ALG12: variants seen among roughly 807,000 people sequenced by gnomAD.
The protein encoded by ALG12 is ALG12 alpha-1,6-mannosyltransferase.
ALG12 carries 36 observed loss-of-function variants against 46.0 expected under a neutral mutation model. The observed-to-expected ratio is 0.78, with a 90% CI of 0.60 to 1.03. The LOEUF (loss-of-function observed/expected upper bound fraction) is 1.03, where lower values mean the gene tolerates loss of function less well. Among genes scored for constraint, ALG12 ranks in the 50% least tolerant of loss-of-function variants. ALG12 has a pLI of 0.00. For synonymous variants in ALG12, 326 were observed against 291.6 expected, an observed-to-expected ratio of 1.12 and a Z score of -1.20; for missense variants, 599 against 633.5, an observed-to-expected ratio of 0.95 and a Z score of 0.58.
At chr22:49,913,260 G>A (rs146667979) in intron 3 of ALG12, 125 bp downstream of exon 3, 41 of 1,467,546 alleles carry the variant, frequency 2.8e-5, no homozygotes, top group African/African-American at 1.4e-4. Flanking sequence ...GCCATGCCAC[G>A]GTGATCGAGG....
At chr22:49,886,917 G>A in the ALG12 span, 2 of 1,614,144 alleles carry the variant, frequency 1.2e-6, no homozygotes, top group Non-Finnish European at 1.7e-6. The surrounding 1 kb of genome is among the most constrained non-coding windows in gnomAD (Gnocchi z 7.7). Flanking sequence ...AAGCCATGGT[G>A]CTTGCGTATC....
At chr22:49,883,582 ATCTACAT>A in the ALG12 span, 5 of 1,435,344 alleles carry the variant, frequency 3.5e-6, no homozygotes, top group Admixed American at 1.2e-4. Context: ...AGTGAAGATA[ATCTACAT>A]TCGGGGGCAC....
chr22:49,885,127 A>G, the ALG12 span: 1 of 1,614,176 alleles, frequency 6.2e-7, no homozygotes, highest in East Asian at 2.2e-5. Flanking sequence ...CCGGGGGAAG[A>G]AGGGTGATGT....
the ALG12 span, among the ~76,000 whole-genome samples, chr22:49,876,191 G>T: frequency 3.7e-4 from 57 of 152,146 alleles, no homozygotes; most frequent in African/African-American, 1.3e-3. Context: ...TTGCTTTATT[G>T]TCCAGAGAAG....
chr22:49,903,977 A>G lies in ALG12; in HGVS notation c.1328T>C (p.Leu443Pro), dbSNP rs2060528499. Residue 443 changes from leucine to proline, a missense_variant, in exon 10 of 10, where the codon CTC becomes CCC. Physicochemically the swap from Leu to Pro is moderately conservative, Grantham distance 98 (BLOSUM62 -3). Coordinates refer to ENST00000330817, the MANE Select transcript of ALG12 (RefSeq NM_024105.4). Reference sequence around the variant, plus strand: ...CAGGACCCGGTGTGTGTCCCTGTAGAGGGCCAGGAGCCCAGGGGCCGCCTC... The same window carrying G: ...CAGGACCCGGTGTGTGTCCCTGTAGGGGGCCAGGAGCCCAGGGGCCGCCTC... Reference protein sequence around the residue: ...LMEAAPGLLALYRDTHRVLAS... With the variant: ...LMEAAPGLLAPYRDTHRVLAS... 1 of 1,614,196 alleles carries G rather than the reference A, an allele frequency of 6.2e-7. No homozygotes were observed.
chr22:49,860,481 A>T, the ALG12 span, among the ~76,000 whole-genome samples: 2 of 152,332 alleles, frequency 1.3e-5, no homozygotes, highest in South Asian at 2.1e-4. Context: ...TGCTTAGTTA[A>T]CTTTGCAGGT....
the ALG12 span, among the ~76,000 whole-genome samples, chr22:49,868,983 G>A: frequency 2.6e-5 from 4 of 151,478 alleles, no homozygotes; most frequent in Admixed American, 1.3e-4. Flanking sequence ...AATTAGCTGG[G>A]TGTGATGGTG....
At chr22:49,883,219 CCA>C in the ALG12 span, 2 of 153,000 alleles carry the variant, frequency 1.3e-5, no homozygotes, top group Non-Finnish European at 2.9e-5. Context: ...TTTTTCGATT[CCA>C]GTTTTCCATT....
the ALG12 span, among the ~76,000 whole-genome samples, chr22:49,890,799 G>A: frequency 3.8e-4 from 58 of 152,202 alleles, no homozygotes; most frequent in Non-Finnish European, 7.2e-4. Flanking sequence ...GGCAGATCAC[G>A]AGGTCAGGAA....
chr22:49,879,186 G>A, the ALG12 span, among the ~76,000 whole-genome samples: 3 of 149,902 alleles, frequency 2.0e-5, no homozygotes, highest in East Asian at 2.0e-4. Context: ...GTGAAGTGGC[G>A]CAATCTCGGC....
At chr22:49,884,067 A>C in the ALG12 span, 1 of 1,607,004 alleles carries the variant, frequency 6.2e-7, no homozygotes, top group Non-Finnish European at 8.5e-7. Flanking sequence ...CTAAAGCAAT[A>C]TGCATGTACT....
rs1303875088 is a variant in ALG12 at position 49,903,619 on chromosome 22, G to A, written c.*219C>T. ...ATCACCCTGGGCAGTGGCTCCCGGG[G>A]TGCCAACAAGACCTGGGCCCCTCGT... On this transcript the variant is annotated 3_prime_UTR_variant, in exon 10 of 10. Coordinates refer to ENST00000330817, the MANE Select transcript of ALG12 (RefSeq NM_024105.4). The A allele has an allele frequency of 2.8e-6, 2 of 702,736 alleles. No individual in the cohort carries two copies. Among genetic ancestry groups the A allele is most frequent in the African/African-American group, 1.7e-5 (1 of 57,212 alleles). The allele number at this position is 702,736 out of a possible 1,614,324, so 43.5% of individuals were successfully genotyped here.
the ALG12 span, among the ~76,000 whole-genome samples, chr22:49,874,772 G>A: frequency 3.9e-5 from 5 of 126,950 alleles, no homozygotes; most frequent in East Asian, 5.1e-4. Flanking sequence ...TCGACCTCCC[G>A]TCCAGGTTCA....
chr22:49,912,057 G>GCGGGATCACCCTCGGCCC (rs1569177351), intron 3 of ALG12, among the ~76,000 whole-genome samples: 4,510 of 128,214 alleles, frequency 0.035, 301 homozygotes, highest in African/African-American at 0.071. Context: ...AGCCTCGGCC[G>GCGGGATCACCCTCGGCCC]CGGGATCAGC....
chr22:49,863,002 A>G, the ALG12 span, among the ~76,000 whole-genome samples: 20 of 152,004 alleles, frequency 1.3e-4, no homozygotes, highest in Non-Finnish European at 2.5e-4. Flanking sequence ...GCACCCGGCC[A>G]GCCTTTCAGT....
chr22:49,899,253 G>T (rs2060494645), downstream of ALG12, among the ~76,000 whole-genome samples: 1 of 152,066 alleles, frequency 6.6e-6, no homozygotes, highest in African/African-American at 2.4e-5. Flanking sequence ...GAGGCGAGTG[G>T]ATCACTCAGT....
the ALG12 span, among the ~76,000 whole-genome samples, chr22:49,870,544 T>G: frequency 6.6e-6 from 1 of 152,320 alleles, no homozygotes; most frequent in African/African-American, 2.4e-5. Flanking sequence ...TGGTATCTCG[T>G]TGTGGTTTTG....
chr22:49,915,178 G>A (rs765248487), intron 1 of ALG12, among the ~76,000 whole-genome samples: 10 of 152,312 alleles, frequency 6.6e-5, no homozygotes, highest in South Asian at 2.1e-4. Flanking sequence ...ATAATTTTAC[G>A]ACTGAAATGG....
downstream of ALG12, among the ~76,000 whole-genome samples, chr22:49,895,894 G>A (rs930724381): frequency 6.6e-6 from 1 of 152,186 alleles, no homozygotes; most frequent in Non-Finnish European, 1.5e-5. Flanking sequence ...AGTTAAATGA[G>A]ATTAGATTCA....
Sources: gnomAD v4.1 joint callset for allele counts (sites outside exome capture counted in the v4.1 genomes callset) on GRCh38, gnomAD v4.1.1 for gene constraint, Gnocchi (gnomAD v3.1) non-coding constraint, MANE v1.5 for transcripts, NCBI Gene and HGNC (gene_info 2026-07-23, HGNC 2026-07-21) for gene names.